The following TENM3 variants were observed in gnomAD, a reference collection of about 807,000 sequenced individuals.
TENM3 encodes the protein teneurin transmembrane protein 3, also known as teneurin-3.
A neutral mutation model predicts 255.1 loss-of-function variants in TENM3; 63 were observed. The ratio of observed to expected loss-of-function variants is 0.25; its 90% CI spans 0.20 to 0.30. TENM3 has a LOEUF of 0.30. Ranked by LOEUF, TENM3 falls within the 10% of genes least tolerant of loss-of-function variation. The pLI is 1.00. For synonymous variants in TENM3, 1,306 were observed against 1,322.3 expected, an observed-to-expected ratio of 0.99 and a Z score of 0.27; for missense variants, 2,929 against 3,461.1, an observed-to-expected ratio of 0.85 and a Z score of 3.86.
At chr4:182,616,971 A>G (rs1404233345) in intron 4 of TENM3, among the ~76,000 whole-genome samples, 1 of 152,090 alleles carries the variant, frequency 6.6e-6, no homozygotes, top group East Asian at 1.9e-4. Context: ...TAAATAAACT[A>G]TTTTTTCAGC....
chr4:182,760,320 G>A lies in TENM3; in HGVS notation c.4892+5061G>A, dbSNP rs373739086. On this transcript the variant is annotated intron_variant, in intron 22 of 27. Coordinates refer to ENST00000511685, the MANE Select transcript of TENM3 (RefSeq NM_001080477.4). ...AAGTTTATGCCTGAAAAGAAACCGC[G>A]GTTCTTACACTCGAATGCACAAAGA... Among the ~76,000 whole-genome samples the A allele has an allele frequency of 3.7e-4, 56 of 152,134 alleles. 1 individual carries two copies. The highest frequency in any genetic ancestry group is 2.1e-4 in the South Asian group (1 of 4,828).
chr4:182,619,560 C>T (rs543823961), intron 4 of TENM3, among the ~76,000 whole-genome samples: 3 of 152,180 alleles, frequency 2.0e-5, no homozygotes, highest in East Asian at 3.9e-4. Context: ...TTGTGCTTAA[C>T]GTAGAGTCAT....
At chr4:181,592,173 AATGTCAATTTGCCG>A in the TENM3 span, among the ~76,000 whole-genome samples, 4 of 151,854 alleles carry the variant, frequency 2.6e-5, no homozygotes, top group African/African-American at 7.3e-5. Context: ...GTGCATACAT[AATGTCAATTTGCCG>A]ATTATATGCT....
chr4:182,022,198 C>T, the TENM3 span, among the ~76,000 whole-genome samples: 3 of 151,598 alleles, frequency 2.0e-5, no homozygotes, highest in Non-Finnish European at 4.4e-5. Context: ...GGTACATATA[C>T]ACCATGGAAT....
At chr4:182,064,258 A>T in the TENM3 span, among the ~76,000 whole-genome samples, 1 of 151,890 alleles carries the variant, frequency 6.6e-6, no homozygotes, top group Admixed American at 6.6e-5. Context: ...GAATCTAAAA[A>T]GTTGTGGATG....
intron 3 of TENM3, among the ~76,000 whole-genome samples, chr4:182,348,278 G>A (rs1764959925): frequency 6.6e-6 from 1 of 151,996 alleles, no homozygotes; most frequent in Admixed American, 6.6e-5. Flanking sequence ...CTCAGAATCA[G>A]GATGCCAACA....
intron 3 of TENM3, among the ~76,000 whole-genome samples, chr4:182,352,738 T>G (rs1765267296): frequency 6.6e-6 from 1 of 152,102 alleles, no homozygotes; most frequent in Non-Finnish European, 1.5e-5. Context: ...TATGGAGAGA[T>G]AAAGTCTAAA....
chr4:182,783,759 G>T (rs58180050), intron 24 of TENM3, among the ~76,000 whole-genome samples: 13,259 of 152,020 alleles, frequency 0.087, 1,985 homozygotes, highest in African/African-American at 0.3. Flanking sequence ...TCATTTCTTT[G>T]TATTCGTTTT....
At chr4:182,098,955 C>CTTCT in the TENM3 span, among the ~76,000 whole-genome samples, 10 of 133,842 alleles carry the variant, frequency 7.5e-5, no homozygotes, top group African/African-American at 2.3e-4. Flanking sequence ...GTGCACAACT[C>CTTCT]TTTTTTTCTT....
At chr4:182,239,076 T>TG (rs1491400584), upstream of TENM3, among the ~76,000 whole-genome samples, 1 of 135,794 alleles carries the variant, frequency 7.4e-6, no homozygotes, top group Non-Finnish European at 1.6e-5. Context: ...TGTGTGTGTA[T>TG]TTTTTTTTTT....
the TENM3 span, among the ~76,000 whole-genome samples, chr4:181,919,900 C>T: frequency 9.1e-6 from 1 of 110,288 alleles, no homozygotes; most frequent in Non-Finnish European, 1.7e-5. Context: ...CACCCCACAA[C>T]AATCCCCGGA....
chr4:182,633,906 A>G (rs961763222), intron 5 of TENM3, among the ~76,000 whole-genome samples: 1 of 152,210 alleles, frequency 6.6e-6, no homozygotes, highest in Non-Finnish European at 1.5e-5. Flanking sequence ...CTTCCAGAAC[A>G]TGCAGTATGA....
At chr4:181,909,750 TA>T in the TENM3 span, among the ~76,000 whole-genome samples, 7 of 152,166 alleles carry the variant, frequency 4.6e-5, no homozygotes, top group Admixed American at 3.9e-4. Flanking sequence ...AGGTACTTGA[TA>T]AAAGCTGATT....
At chr4:181,605,584 G>GAAAGATAGAAAGAAAGAAAGAAA in the TENM3 span, among the ~76,000 whole-genome samples, 12 of 69,142 alleles carry the variant, frequency 1.7e-4, 2 homozygotes, top group Non-Finnish European at 3.0e-4. Context: ...GAGAAAGAAA[G>GAAAGATAGAAAGAAAGAAAGAAA]GAAAGAAAGA....
At chr4:181,613,147 C>T in the TENM3 span, among the ~76,000 whole-genome samples, 1 of 152,204 alleles carries the variant, frequency 6.6e-6, no homozygotes, top group Non-Finnish European at 1.5e-5. Flanking sequence ...TTCCCTAGGA[C>T]AGGTCTAAGT....
At chr4:182,561,937 C>T (rs1204575419) in intron 3 of TENM3, among the ~76,000 whole-genome samples, 1 of 151,106 alleles carries the variant, frequency 6.6e-6, no homozygotes, top group Non-Finnish European at 1.5e-5. Flanking sequence ...ACATATTGTG[C>T]ATATATGTAT....
intron 3 of TENM3, among the ~76,000 whole-genome samples, chr4:182,577,493 A>C (rs1745053916): frequency 6.6e-6 from 1 of 152,212 alleles, no homozygotes; most frequent in Admixed American, 6.5e-5. Flanking sequence ...TAAAGGTATT[A>C]AGAGTTTAAA....
At chr4:182,248,946 A>G (rs1757824777) in intron 1 of TENM3, among the ~76,000 whole-genome samples, 1 of 152,248 alleles carries the variant, frequency 6.6e-6, no homozygotes, top group African/African-American at 2.4e-5. Context: ...TAATAGCAAT[A>G]GGACAATAAC....
the TENM3 span, among the ~76,000 whole-genome samples, chr4:182,025,443 C>T: frequency 6.6e-6 from 1 of 152,264 alleles, no homozygotes; most frequent in East Asian, 1.9e-4. Context: ...TGCTTCCAAA[C>T]CTTGGCTATT....
Sources: gnomAD v4.1 joint callset for allele counts (sites outside exome capture counted in the v4.1 genomes callset) on GRCh38, gnomAD v4.1.1 for gene constraint, MANE v1.5 for transcripts, NCBI Gene and HGNC (gene_info 2026-07-23, HGNC 2026-07-21) for gene names.